CSRNP3: variants seen among roughly 807,000 people sequenced by gnomAD.
CSRNP3 encodes cysteine/serine-rich nuclear protein 3.
CSRNP3 carries 12 observed loss-of-function variants against 48.0 expected under a neutral mutation model. That is an observed-to-expected ratio of 0.25 (90% CI 0.16 to 0.41). The LOEUF is 0.41. Among genes scored for constraint, CSRNP3 ranks in the 10% least tolerant of loss-of-function variants. The pLI is 1.00. For synonymous variants in CSRNP3, 263 were observed against 269.7 expected, an observed-to-expected ratio of 0.98 and a Z score of 0.24; for missense variants, 580 against 724.4, an observed-to-expected ratio of 0.80 and a Z score of 2.29.
At chr2:165,643,835 G>A (rs1050624809) in intron 4 of CSRNP3, among the ~76,000 whole-genome samples, 2 of 152,104 alleles carry the variant, frequency 1.3e-5, no homozygotes, top group Admixed American at 1.3e-4. Context: ...ACACATGCCT[G>A]TATATTATAA....
In CSRNP3 at chr2:165,676,453, GC is replaced by G; in HGVS notation, c.551del (p.Ala184ValfsTer8). The part of the protein sequence containing the change: ...LQPLPTKKRR[A>X]LLRASGVKKI... Reference sequence around the variant, plus strand: ...ACCTTTGCCAACAAAAAAACGAAGAGCTCTGCTGCGTGCCTCTGGAGTGAAA... The same window carrying G: ...ACCTTTGCCAACAAAAAAACGAAGAGTCTGCTGCGTGCCTCTGGAGTGAAA... On this transcript the variant is annotated frameshift_variant, in exon 6 of 7. Transcript: ENST00000651982. LOFTEE classifies it high-confidence loss of function. 1 of 1,614,174 alleles carries G rather than the reference GC, an allele frequency of 6.2e-7. No homozygotes were observed. Among genetic ancestry groups the G allele is most frequent in the Non-Finnish European group, 8.5e-7 (1 of 1,180,008 alleles).
intron 1 of CSRNP3, among the ~76,000 whole-genome samples, chr2:165,492,440 A>G (rs1684226599): frequency 6.6e-6 from 1 of 151,764 alleles, no homozygotes; most frequent in Non-Finnish European, 1.5e-5. Flanking sequence ...TTTGGCACAC[A>G]CCATTCCTTT....
intron 5 of CSRNP3, among the ~76,000 whole-genome samples, chr2:165,666,064 A>AAAGAGAGAGAG (rs1687187665): frequency 2.1e-5 from 1 of 46,728 alleles, no homozygotes; most frequent in South Asian, 1.1e-3. Context: ...GAGAGGAAGA[A>AAAGAGAGAGAG]AGAAAGAGAG....
chr2:165,543,449 T>C (rs1015907658), intron 3 of CSRNP3, among the ~76,000 whole-genome samples: 5 of 152,166 alleles, frequency 3.3e-5, no homozygotes, highest in Non-Finnish European at 5.9e-5. Context: ...GATAAATAGT[T>C]ATTACCACAT....
Position 165,562,342 on chromosome 2 carries a change from G to A in CSRNP3, c.-23-32701G>A, listed in dbSNP as rs372313330. Among the ~76,000 whole-genome samples, 10 of 152,280 alleles carry A rather than the reference G, an allele frequency of 6.6e-5. No homozygotes were observed. The South Asian group carries it at 1.7e-3, about 25-fold the overall frequency. The stretch of plus-strand genomic sequence containing the variant: ...ATGATGATTGGTGCTTGAGAGAAGG[G>A]CCCAAGAAGTTTTATCAGTAGGAGA... On this transcript the variant is annotated intron_variant, in intron 3 of 6. Transcript: ENST00000651982.
rs573817464 is a variant in CSRNP3, at chr2:165,503,900, C to G, written c.-113+8972C>G. Among the ~76,000 whole-genome samples, 10 of 151,836 alleles carry G rather than the reference C, an allele frequency of 6.6e-5. No individual in the cohort carries two copies. The East Asian group carries it at 1.6e-3, about 24-fold the overall frequency. ...ATTTAGTCATAGGATATACTTTGTC[C>G]TAAGTTAAGGAGATATTCTTCCATT... is the stretch of plus-strand genomic sequence containing the variant. On this transcript the variant is annotated intron_variant, in intron 2 of 6. Coordinates refer to ENST00000651982, the MANE Select transcript of CSRNP3 (RefSeq NM_001172173.2).
chr2:165,473,827 T>A (rs1230789578), intron 1 of CSRNP3, among the ~76,000 whole-genome samples: 1 of 152,176 alleles, frequency 6.6e-6, no homozygotes, highest in African/African-American at 2.4e-5. Context: ...AACTGTTGAA[T>A]ATGCATGCCC....
chr2:165,525,602 C>T (rs1684722026), intron 3 of CSRNP3, among the ~76,000 whole-genome samples: 1 of 151,378 alleles, frequency 6.6e-6, no homozygotes, highest in Admixed American at 6.6e-5. Flanking sequence ...TCTCCTGCCT[C>T]AGCCTCCCAA....
In CSRNP3 at chr2:165,689,396, T is replaced by C. The variant is rs1328010977; in HGVS notation, c.*9643T>C. 4 of 152,174 alleles carry C rather than the reference T, an allele frequency of 2.6e-5. No homozygotes were observed. The highest frequency in any genetic ancestry group is 5.9e-5 in the Non-Finnish European group (4 of 68,030). The allele number at this position is 152,174 out of a possible 1,614,324, so 9.4% of individuals were successfully genotyped here. A position where few individuals can be genotyped will look rare whatever the true frequency, so the allele number is the denominator to read the frequency against. On this transcript the variant is annotated 3_prime_UTR_variant, in exon 7 of 7. Transcript: ENST00000651982. Reference sequence around the variant, plus strand: ...TTGTTTGCAGCAGAGTAAAACCGGTTTCTAAGTTGTATCTACTGTTGCATT... The same window carrying C: ...TTGTTTGCAGCAGAGTAAAACCGGTCTCTAAGTTGTATCTACTGTTGCATT...
At chr2:165,589,738 T>C (rs900226607) in intron 3 of CSRNP3, among the ~76,000 whole-genome samples, 2 of 152,152 alleles carry the variant, frequency 1.3e-5, no homozygotes, top group Non-Finnish European at 2.9e-5. Flanking sequence ...TCTTCAAAAA[T>C]TTTCCTTCTC....
intron 4 of CSRNP3, among the ~76,000 whole-genome samples, chr2:165,656,133 G>C (rs1687000326): frequency 6.6e-6 from 1 of 152,146 alleles, no homozygotes. Context: ...CCCCAGTGGG[G>C]GTGGATCGTA....
chr2:165,545,661 G>T (rs1468580363), intron 3 of CSRNP3, among the ~76,000 whole-genome samples: 9 of 152,036 alleles, frequency 5.9e-5, no homozygotes, highest in Non-Finnish European at 1.3e-4. Context: ...TATTTACTCT[G>T]TGTACCTGGT....
At chr2:165,500,548 C>G (rs575727175) in intron 2 of CSRNP3, among the ~76,000 whole-genome samples, 33 of 151,948 alleles carry the variant, frequency 2.2e-4, no homozygotes, top group African/African-American at 7.2e-4. Flanking sequence ...ACCTCCACCT[C>G]CCGGGCTCAA....
chr2:165,647,425 G>C (rs6753778), intron 4 of CSRNP3, among the ~76,000 whole-genome samples: 38,536 of 152,136 alleles, frequency 0.25, 5,658 homozygotes, highest in Non-Finnish European at 0.33. Context: ...CCTCAATAAT[G>C]TATGTTCCAT....
intron 1 of CSRNP3, among the ~76,000 whole-genome samples, chr2:165,487,556 T>C (rs1414701069): frequency 3.4e-5 from 5 of 148,218 alleles, no homozygotes; most frequent in African/African-American, 7.7e-5. Context: ...AAGGGTCGGG[T>C]TACCCTCAAA....
intron 4 of CSRNP3, among the ~76,000 whole-genome samples, chr2:165,625,162 C>A (rs747068222): frequency 6.6e-6 from 1 of 152,140 alleles, no homozygotes; most frequent in Non-Finnish European, 1.5e-5. Context: ...GACCAGTGAG[C>A]CTTTCTTTCA....
chr2:165,645,307 C>T (rs923775098), intron 4 of CSRNP3, among the ~76,000 whole-genome samples: 2 of 151,946 alleles, frequency 1.3e-5, no homozygotes, highest in African/African-American at 4.8e-5. Context: ...GCACTCCAGC[C>T]TGGGCGACAG....
chr2:165,658,515 CAA>C (rs545053139), intron 5 of CSRNP3, among the ~76,000 whole-genome samples: 5 of 152,162 alleles, frequency 3.3e-5, no homozygotes, highest in African/African-American at 1.2e-4. Flanking sequence ...GGTGACTAGG[CAA>C]AGAGGATTGG....
At chr2:165,506,212 T>A (rs534562631) in intron 2 of CSRNP3, among the ~76,000 whole-genome samples, 71 of 152,304 alleles carry the variant, frequency 4.7e-4, no homozygotes, top group African/African-American at 1.7e-3. Context: ...CAAGAAGGCA[T>A]CTCTTCCACC....
Sources: allele counts gnomAD v4.1 joint callset (sites outside exome capture counted in the v4.1 genomes callset), GRCh38; gene constraint gnomAD v4.1.1; transcripts MANE v1.5; gene names NCBI Gene and HGNC (gene_info 2026-07-23, HGNC 2026-07-21).